Variants in MTUS2 observed in about 807,000 individuals in gnomAD.
MTUS2 encodes the protein microtubule associated scaffold protein 2.
Under a neutral mutation model 114.1 loss-of-function variants are expected in MTUS2, and 40 were observed. The ratio of observed to expected loss-of-function variants is 0.35; its 90% CI spans 0.27 to 0.46. The LOEUF (loss-of-function observed/expected upper bound fraction) is 0.46. MTUS2 is among the 20% of genes least tolerant of loss of function. The pLI is 1.00. For missense variants in MTUS2, 1,679 were observed against 1,705.4 expected, an observed-to-expected ratio of 0.98 and a Z score of 0.27; for synonymous variants, 688 against 672.0, an observed-to-expected ratio of 1.02 and a Z score of -0.37.
At chr13:29,188,955 G>T (rs567764498) in intron 5 of MTUS2, among the ~76,000 whole-genome samples, 1 of 152,128 alleles carries the variant, frequency 6.6e-6, no homozygotes. Flanking sequence ...CCCCTACACA[G>T]GTACCATAGG....
At chr13:28,915,240 A>G (rs1352804099) in intron 2 of MTUS2, among the ~76,000 whole-genome samples, 1 of 151,952 alleles carries the variant, frequency 6.6e-6, no homozygotes, top group Admixed American at 6.6e-5. Flanking sequence ...TATTTTGAGC[A>G]GTGCTGCAAG....
chr13:29,224,194 G>A (rs1896017784), intron 5 of MTUS2, among the ~76,000 whole-genome samples: 2 of 152,170 alleles, frequency 1.3e-5, no homozygotes, highest in Non-Finnish European at 1.5e-5. Flanking sequence ...AAGGTTTCTG[G>A]CCAGAAAAGT....
At chr13:28,905,214 A>G (rs1879915533) in intron 2 of MTUS2, among the ~76,000 whole-genome samples, 1 of 151,518 alleles carries the variant, frequency 6.6e-6, no homozygotes, top group Non-Finnish European at 1.5e-5. Context: ...AGACAATTTG[A>G]CTTCCTCTTT....
chr13:29,222,561 C>T lies in MTUS2; in HGVS notation c.2645-59143C>T, dbSNP rs75754227. Among the ~76,000 whole-genome samples the T allele has an allele frequency of 2.0e-3, 311 of 152,322 alleles. 2 individuals are homozygous for T. The highest frequency in any genetic ancestry group is 6.9e-3 in the African/African-American group (288 of 41,568). On this transcript the variant is annotated intron_variant, in intron 5 of 15. Transcript: ENST00000612955. ...GAGGTGGTGGCCTGTCTGGAGCAGA[C>T]GCTGCCATGATGCCAGCTGCAGTGG...
chr13:28,934,506 A>T (rs1407238126), intron 2 of MTUS2, among the ~76,000 whole-genome samples: 1 of 152,024 alleles, frequency 6.6e-6, no homozygotes, highest in Non-Finnish European at 1.5e-5. Flanking sequence ...ATGCTTTTTT[A>T]AACGTTCACT....
Position 28,904,992 on chromosome 13 carries a change from A to C in MTUS2, c.-243+65142A>C, listed in dbSNP as rs552758799. Among the ~76,000 whole-genome samples the C allele has an allele frequency of 1.3e-4, 20 of 151,572 alleles. No homozygotes were observed. In the South Asian group the frequency reaches 4.2e-3, roughly 32 times the overall value. On this transcript the variant is annotated intron_variant, in intron 2 of 15. Coordinates refer to ENST00000612955, the MANE Select transcript of MTUS2 (RefSeq NM_001033602.4). Reference sequence around the variant, plus strand: ...CACGTCCCTTGTAAGTTGGATTCGTAGGTATTTTATTCTCTTTGAAGCAAT... The same window carrying C: ...CACGTCCCTTGTAAGTTGGATTCGTCGGTATTTTATTCTCTTTGAAGCAAT...
intron 8 of MTUS2, among the ~76,000 whole-genome samples, chr13:29,386,386 T>A (rs1015308849): frequency 6.6e-6 from 1 of 152,172 alleles, no homozygotes; most frequent in Non-Finnish European, 1.5e-5. Flanking sequence ...TTTGCACTAA[T>A]CTGACTTGAC....
At chr13:28,839,714 T>C (rs1023355918) in intron 1 of MTUS2, 64 bp from the exon 2 acceptor site, 10 of 152,194 alleles carry the variant, frequency 6.6e-5, no homozygotes, top group Admixed American at 5.9e-4. Context: ...TATAATAAAA[T>C]TACTGTTAAT....
intron 5 of MTUS2, among the ~76,000 whole-genome samples, chr13:29,260,654 G>T (rs926836505): frequency 6.6e-6 from 1 of 152,202 alleles, no homozygotes; most frequent in African/African-American, 2.4e-5. Flanking sequence ...AATGCTTTTA[G>T]CAAGAAAGCT....
intron 2 of MTUS2, among the ~76,000 whole-genome samples, chr13:28,981,543 C>T (rs1847370738): frequency 6.6e-6 from 1 of 152,062 alleles, no homozygotes; most frequent in Non-Finnish European, 1.5e-5. Context: ...GAGTACATTT[C>T]GCTGCATGTA....
In MTUS2 at chr13:28,947,806, A is replaced by G. The variant is rs553234783; in HGVS notation, c.-242-76651A>G. Among the ~76,000 whole-genome samples, 10 of 152,358 alleles carry G rather than the reference A, an allele frequency of 6.6e-5. No homozygotes were observed. In the East Asian group the frequency reaches 7.7e-4, roughly 12 times the overall value. ...TTCATGCCTTTCCTCAAAGAAAGGAAAATAAGTAATTGTGTGTATGCTACT... is the reference window on the plus strand; with the variant it reads ...TTCATGCCTTTCCTCAAAGAAAGGAGAATAAGTAATTGTGTGTATGCTACT... On this transcript the variant is annotated intron_variant, in intron 2 of 15. Transcript: ENST00000612955.
At chr13:28,988,103 G>C (rs970446116) in intron 2 of MTUS2, among the ~76,000 whole-genome samples, 6 of 152,162 alleles carry the variant, frequency 3.9e-5, no homozygotes, top group Non-Finnish European at 8.8e-5. Context: ...ATGTTGAAAA[G>C]GTGAAATAAT....
chr13:29,442,056 T>C (rs755958615), intron 9 of MTUS2, among the ~76,000 whole-genome samples: 3 of 152,242 alleles, frequency 2.0e-5, no homozygotes, highest in Middle Eastern at 3.4e-3. Flanking sequence ...TCAGGTCAGT[T>C]CCCAGGGGAT....
rs1433695563 is a variant in MTUS2 at position 29,072,460 on chromosome 13, A to G, written c.2447-28313A>G. On this transcript the variant is annotated intron_variant, in intron 4 of 15. Transcript: ENST00000612955. Reference sequence around the variant, plus strand: ...CTGAGGGTGCTTTGCAGTATTGTAAAATGAGGGCATTTCAACTGTATTGTA... The same window carrying G: ...CTGAGGGTGCTTTGCAGTATTGTAAGATGAGGGCATTTCAACTGTATTGTA... Among the ~76,000 whole-genome samples the G allele has an allele frequency of 4.6e-5, 7 of 152,272 alleles. 1 individual carries two copies. Among genetic ancestry groups the G allele is most frequent in the African/African-American group, 1.7e-4 (7 of 41,554 alleles).
chr13:29,171,359 C>T (rs1250214064), intron 5 of MTUS2, among the ~76,000 whole-genome samples: 1 of 152,134 alleles, frequency 6.6e-6, no homozygotes, highest in Non-Finnish European at 1.5e-5. Flanking sequence ...ACCTGAATAC[C>T]TGTGGACTTT....
At chr13:29,286,652 G>A (rs9508335) in intron 6 of MTUS2, among the ~76,000 whole-genome samples, 2,026 of 125,594 alleles carry the variant, frequency 0.016, 23 homozygotes, top group Middle Eastern at 0.026. Context: ...CTATCTATCT[G>A]TCTGTCTGTC....
At chr13:28,865,108 T>C (rs1286653889) in intron 2 of MTUS2, among the ~76,000 whole-genome samples, 2 of 152,162 alleles carry the variant, frequency 1.3e-5, no homozygotes, top group Non-Finnish European at 2.9e-5. Flanking sequence ...TATGTGTATA[T>C]GGGGGTGTGT....
At chr13:29,329,614 C>CTTTTTTTT (rs34216714) in intron 7 of MTUS2, among the ~76,000 whole-genome samples, 1 of 106,034 alleles carries the variant, frequency 9.4e-6, no homozygotes, top group Non-Finnish European at 2.1e-5. Context: ...GTGCATGTGT[C>CTTTTTTTT]TTTTTTTTTT....
chr13:29,199,088 A>G (rs1425924705), intron 5 of MTUS2, among the ~76,000 whole-genome samples: 1 of 152,078 alleles, frequency 6.6e-6, no homozygotes, highest in East Asian at 1.9e-4. Context: ...TGGCTAGGGA[A>G]ATACTTTCAA....
Sources: gnomAD v4.1 joint callset for allele counts (sites outside exome capture counted in the v4.1 genomes callset) on GRCh38, gnomAD v4.1.1 for gene constraint, MANE v1.5 for transcripts, NCBI Gene and HGNC (gene_info 2026-07-23, HGNC 2026-07-21) for gene names.